The following EML1 variants were observed in gnomAD, a reference collection of about 807,000 sequenced individuals.
The protein encoded by EML1 is echinoderm microtubule-associated protein-like 1.
Under a neutral mutation model 110.4 loss-of-function variants are expected in EML1, and 27 were observed. The observed-to-expected ratio is 0.24, with a 90% CI of 0.18 to 0.34. EML1 has a LOEUF of 0.34. Among genes scored for constraint, EML1 ranks in the 10% least tolerant of loss-of-function variants. The pLI is 1.00. For missense variants in EML1, 741 were observed against 1,030.9 expected (o/e 0.72, Z 3.85); for synonymous variants, 344 against 385.8 (o/e 0.89, Z 1.27).
Position 99,917,857 on chromosome 14 carries a change from C to G in EML1, c.1820+8C>G. ...CGGAACACTCACTGGGAGGTAAGTC[C>G]ATGCCAACAGCGCTTGTGCTTGCAA... On this transcript the variant is annotated splice_region_variant and intron_variant, in intron 16 of 21. Transcript: ENST00000262233. 6.2e-7 allele frequency: 1 copy of G among 1,614,086 alleles called. No individual in the cohort carries two copies. The highest frequency in any genetic ancestry group is 8.5e-7 in the Non-Finnish European group (1 of 1,179,956).
chr14:99,802,521 A>G (rs1165508482), intron 1 of EML1, among the ~76,000 whole-genome samples: 1 of 151,762 alleles, frequency 6.6e-6, no homozygotes, highest in Non-Finnish European at 1.5e-5. Context: ...GACGCAGGAG[A>G]TACTTAGTGG....
At chr14:99,842,685 T>G (rs1447133366) in intron 1 of EML1, among the ~76,000 whole-genome samples, 1 of 152,236 alleles carries the variant, frequency 6.6e-6, no homozygotes, top group East Asian at 1.9e-4. Context: ...CAATATAATT[T>G]AAATATTCTG....
upstream of EML1, among the ~76,000 whole-genome samples, chr14:99,770,081 C>G (rs1310714652): frequency 6.6e-6 from 1 of 152,210 alleles, no homozygotes; most frequent in Non-Finnish European, 1.5e-5. Flanking sequence ...ACCATTCCCC[C>G]CCATTTCCCC....
At chr14:99,782,984 G>A (rs186624736) in intron 1 of EML1, among the ~76,000 whole-genome samples, 14 of 141,978 alleles carry the variant, frequency 9.9e-5, no homozygotes, top group South Asian at 2.2e-4. Context: ...ACTCTAAATC[G>A]TTTATATATA....
At chr14:99,887,667 A>G (rs536124921) in intron 4 of EML1, among the ~76,000 whole-genome samples, 23 of 152,196 alleles carry the variant, frequency 1.5e-4, no homozygotes, top group Non-Finnish European at 3.1e-4. Context: ...CACCTTGAGA[A>G]GCGATCATCT....
In EML1 at chr14:99,825,458, A is replaced by AGAGAGATC. The variant is rs538664490; in HGVS notation, c.68-25394_68-25387dup. The stretch of plus-strand genomic sequence containing the variant: ...TGGGATTGTGGGTGGAACGTACCTC[A>AGAGAGATC]GAGAGATCAAGCTACTGCCCGAGAT... On this transcript the variant is annotated intron_variant, in intron 1 of 21. Transcript: ENST00000262233. Among the ~76,000 whole-genome samples, 490 of 152,244 alleles carry AGAGAGATC rather than the reference A, an allele frequency of 3.2e-3. 6 individuals are homozygous for AGAGAGATC. Among genetic ancestry groups the AGAGAGATC allele is most frequent in the African/African-American group, 0.011 (465 of 41,544 alleles).
At chr14:99,832,652 A>G (rs2058478354) in intron 1 of EML1, among the ~76,000 whole-genome samples, 2 of 152,190 alleles carry the variant, frequency 1.3e-5, no homozygotes, top group Admixed American at 1.3e-4. Flanking sequence ...CTTATTTGCC[A>G]TCTGTATATC....
rs1231673945 is a variant in EML1 at position 99,941,157 on chromosome 14, T to A, written c.*1045T>A. On this transcript the variant is annotated 3_prime_UTR_variant, in exon 22 of 22. Transcript: ENST00000262233. The stretch of plus-strand genomic sequence containing the variant: ...ATTACAGTATGAGATAAGATTGAGT[T>A]CTGATGCGTTAAACGGAGGTGGCAG... The A allele has an allele frequency of 6.6e-6, 1 of 152,178 alleles. No individual in the cohort carries two copies. The highest frequency in any genetic ancestry group is 1.5e-5 in the Non-Finnish European group (1 of 68,032). 9.4% of individuals were successfully genotyped at this position (152,178 alleles called of 1,614,324 possible).
At chr14:99,930,823 C>T (rs2060354122) in intron 17 of EML1, among the ~76,000 whole-genome samples, 2 of 152,156 alleles carry the variant, frequency 1.3e-5, no homozygotes, top group South Asian at 4.1e-4. Flanking sequence ...CCTGCCTGTT[C>T]TAGTTTCAGC....
intron 4 of EML1, among the ~76,000 whole-genome samples, chr14:99,888,267 C>T (rs1467608959): frequency 2.0e-5 from 3 of 152,134 alleles, no homozygotes; most frequent in Non-Finnish European, 4.4e-5. Context: ...GTCGAAGGTC[C>T]ACGAGCTTCC....
chr14:99,806,985 T>A (rs1030176594), intron 1 of EML1, among the ~76,000 whole-genome samples: 1 of 152,068 alleles, frequency 6.6e-6, no homozygotes, highest in Non-Finnish European at 1.5e-5. Context: ...CTAGGAAGGA[T>A]CTGGACTGGA....
intron 1 of EML1, among the ~76,000 whole-genome samples, chr14:99,788,219 C>T (rs1017002772): frequency 1.3e-5 from 2 of 152,078 alleles, no homozygotes; most frequent in African/African-American, 4.8e-5. Context: ...TGTTCCTTGG[C>T]GCTTATCATT....
At chr14:99,860,663 G>A (rs947422475) in intron 2 of EML1, among the ~76,000 whole-genome samples, 3 of 152,156 alleles carry the variant, frequency 2.0e-5, no homozygotes, top group Non-Finnish European at 4.4e-5. Flanking sequence ...TGGGGGTTAC[G>A]ATGCTATTTA....
chr14:99,897,332 G>GC (rs112151642), intron 7 of EML1, 38 bp downstream of exon 7: 1 of 1,560,368 alleles, frequency 6.4e-7, no homozygotes, highest in Non-Finnish European at 8.7e-7. Context: ...GACTCAGAAG[G>GC]CGAAGGTAGG....
At chr14:99,755,802 G>A (rs532835769) in intron 1 of EML1, among the ~76,000 whole-genome samples, 12 of 152,306 alleles carry the variant, frequency 7.9e-5, no homozygotes, top group Admixed American at 5.9e-4. Flanking sequence ...GTAGGTGTGC[G>A]GGGACCAAGC....
chr14:99,750,092 C>T (rs770537654), intron 1 of EML1, among the ~76,000 whole-genome samples: 1 of 152,184 alleles, frequency 6.6e-6, no homozygotes, highest in Non-Finnish European at 1.5e-5. Flanking sequence ...ATTGTGTGGC[C>T]GTCACCTGAG....
chr14:99,840,481 T>C (rs2058615228), intron 1 of EML1, among the ~76,000 whole-genome samples: 1 of 152,190 alleles, frequency 6.6e-6, no homozygotes, highest in South Asian at 2.1e-4. Context: ...GTGGCACCTC[T>C]GTGGGAGGGC....
intron 17 of EML1, among the ~76,000 whole-genome samples, chr14:99,933,662 T>C (rs1296822485): frequency 6.6e-6 from 1 of 152,254 alleles, no homozygotes; most frequent in Non-Finnish European, 1.5e-5. Context: ...GTTAGTTTAT[T>C]GTACACGCCT....
At chr14:99,836,342 G>A (rs558869056) in intron 1 of EML1, among the ~76,000 whole-genome samples, 3 of 152,220 alleles carry the variant, frequency 2.0e-5, no homozygotes, top group African/African-American at 4.8e-5. Flanking sequence ...TTGCTGGTTC[G>A]TAGGAAAGTA....
Sources: gnomAD v4.1 joint callset for allele counts (sites outside exome capture counted in the v4.1 genomes callset) on GRCh38, gnomAD v4.1.1 for gene constraint, MANE v1.5 for transcripts, NCBI Gene and HGNC (gene_info 2026-07-23, HGNC 2026-07-21) for gene names.